Variants in CDK12 observed in about 807,000 individuals in gnomAD.
CDK12 encodes the protein cyclin-dependent kinase 12.
A neutral mutation model predicts 133.8 loss-of-function variants in CDK12; 17 were observed. That is an observed-to-expected ratio of 0.13 (90% CI 0.09 to 0.19). The LOEUF (loss-of-function observed/expected upper bound fraction) is 0.19, where lower values mean the gene tolerates loss of function less well. Ranked by LOEUF, CDK12 falls within the 10% of genes least tolerant of loss-of-function variation. The pLI is 1.00. For missense variants in CDK12, 1,508 were observed against 1,818.7 expected, an observed-to-expected ratio of 0.83 and a Z score of 3.11; for synonymous variants, 694 against 683.6, an observed-to-expected ratio of 1.02 and a Z score of -0.24.
In CDK12 at chr17:39,471,513, C is replaced by T. The variant is rs1567687025; in HGVS notation, c.1681C>T (p.Pro561Ser). Reference protein sequence around the residue: ...LPPLPPIPALPQQPPLPPSQP... With the variant: ...LPPLPPIPALSQQPPLPPSQP... ...ACCTTTGCCTCCAATACCAGCTCTT[C>T]CACAGCAACCACCTCTGCCTCCTTC... is the stretch of plus-strand genomic sequence containing the variant. Residue 561 changes from proline to serine, a missense_variant, in exon 2 of 14, where the codon CCA becomes TCA. Physicochemically the swap from Pro to Ser is moderately conservative, Grantham distance 74. Around this residue, in one of 9 missense-constraint regions of CDK12, gnomAD observed 347 missense variants for 330.8 expected, o/e 1.05. Transcript: ENST00000447079. 3 of 1,613,638 alleles carry T rather than the reference C, an allele frequency of 1.9e-6. No homozygotes were observed. The highest frequency in any genetic ancestry group is 2.5e-6 in the Non-Finnish European group (3 of 1,179,926).
chr17:39,529,567 A>G (rs1201812993), intron 13 of CDK12, among the ~76,000 whole-genome samples: 1 of 151,996 alleles, frequency 6.6e-6, no homozygotes, highest in African/African-American at 2.4e-5. Flanking sequence ...GCATTGTTCT[A>G]CCATACTTCT....
intron 11 of CDK12, 132 bp from the exon 12 acceptor site, chr17:39,524,542 T>C: frequency 1.4e-6 from 1 of 721,340 alleles, no homozygotes; most frequent in Non-Finnish European, 2.3e-6. Context: ...TACTAACTTT[T>C]TTGGTTATTT....
At chr17:39,535,672 T>C (rs1450462392), downstream of CDK12, among the ~76,000 whole-genome samples, 1 of 152,216 alleles carries the variant, frequency 6.6e-6, no homozygotes, top group Non-Finnish European at 1.5e-5. Context: ...CCAGAAACCA[T>C]GCTGTTCAGT....
At chr17:39,545,108 A>C (rs984394939), upstream of CDK12, among the ~76,000 whole-genome samples, 11 of 152,154 alleles carry the variant, frequency 7.2e-5, no homozygotes, top group Non-Finnish European at 1.5e-5. Flanking sequence ...CAGCTGTGCT[A>C]ATGGATGTTC....
At chr17:39,502,501 T>C (rs571178053) in intron 6 of CDK12, among the ~76,000 whole-genome samples, 1 of 152,172 alleles carries the variant, frequency 6.6e-6, no homozygotes, top group Non-Finnish European at 1.5e-5. Flanking sequence ...CATGGAAAGA[T>C]TATGACACAT....
chr17:39,532,887 A>G lies in CDK12; in HGVS notation c.*1571A>G. The G allele has an allele frequency of 4.3e-6, 1 of 232,982 alleles. No individual in the cohort carries two copies. The highest frequency in any genetic ancestry group is 8.5e-6 in the Non-Finnish European group (1 of 117,846). 14.4% of individuals were successfully genotyped at this position (232,982 alleles called of 1,614,324 possible). A position where few individuals can be genotyped will look rare whatever the true frequency, so the allele number is the denominator to read the frequency against. ...TATAGAGTGTTTTAAAAACAGATAC[A>G]TGTCATATAATTTATCTGCACAGAC... On this transcript the variant is annotated 3_prime_UTR_variant, in exon 14 of 14. Transcript: ENST00000447079.
chr17:39,534,405 T>C lies in CDK12; in HGVS notation c.*3089T>C. The C allele has an allele frequency of 4.3e-6, 1 of 232,896 alleles. No homozygotes were observed. Among genetic ancestry groups the C allele is most frequent in the Admixed American group, 5.6e-5 (1 of 17,808 alleles). 14.4% of individuals were successfully genotyped at this position (232,896 alleles called of 1,614,324 possible). On this transcript the variant is annotated 3_prime_UTR_variant, in exon 14 of 14. Transcript: ENST00000447079. ...CCCTGATTTAGGTTCCTGACACTGA[T>C]TCCTTTCTCTCTCGTTTTTGACCCC...
rs1441561619 is a variant in CDK12, at chr17:39,533,089, TTAAAG to T, written c.*1774_*1778del. ...GTGCATTACTTAAAAAAAAAAAACT[TTAAAG>T]AAATGAAAGAAGAACCCTCTTCAGA... On this transcript the variant is annotated 3_prime_UTR_variant, in exon 14 of 14. Transcript: ENST00000447079. The T allele has an allele frequency of 3.9e-5, 9 of 231,590 alleles. No individual in the cohort carries two copies. Among genetic ancestry groups the T allele is most frequent in the African/African-American group, 1.5e-4 (7 of 45,320 alleles). 14.3% of individuals were successfully genotyped at this position (231,590 alleles called of 1,614,324 possible). A position where few individuals can be genotyped will look rare whatever the true frequency, so the allele number is the denominator to read the frequency against.
At chr17:39,465,217 G>C (rs1297633516) in intron 1 of CDK12, among the ~76,000 whole-genome samples, 1 of 140,838 alleles carries the variant, frequency 7.1e-6, no homozygotes, top group Non-Finnish European at 1.5e-5. Flanking sequence ...TTGCACTCCA[G>C]CCTAGGTGAC....
chr17:39,478,559 G>A (rs1419175672), intron 2 of CDK12, among the ~76,000 whole-genome samples: 1 of 152,124 alleles, frequency 6.6e-6, no homozygotes, highest in Non-Finnish European at 1.5e-5. Flanking sequence ...AACGGAAATA[G>A]ACCAGGTGCT....
chr17:39,494,853 T>C (rs2051943686), intron 5 of CDK12, among the ~76,000 whole-genome samples, 159 bp downstream of exon 5: 1 of 150,302 alleles, frequency 6.7e-6, no homozygotes, highest in Non-Finnish European at 1.5e-5. Flanking sequence ...CACTGCAAGC[T>C]CCACCTCCTG....
chr17:39,497,268 G>C (rs1427780355), intron 5 of CDK12, among the ~76,000 whole-genome samples: 4 of 152,094 alleles, frequency 2.6e-5, no homozygotes, highest in Non-Finnish European at 4.4e-5. Context: ...TCTGGGCTAG[G>C]TGTGGTTGCT....
At chr17:39,488,884 A>G (rs1170524551) in intron 2 of CDK12, among the ~76,000 whole-genome samples, 4 of 151,868 alleles carry the variant, frequency 2.6e-5, no homozygotes, top group African/African-American at 4.8e-5. Flanking sequence ...GCCGGTTGCC[A>G]TCTGCCCCCA....
intron 8 of CDK12, among the ~76,000 whole-genome samples, chr17:39,514,827 G>C (rs2053701471): frequency 6.6e-6 from 1 of 152,028 alleles, no homozygotes; most frequent in African/African-American, 2.4e-5. Context: ...ACACAGCCAA[G>C]ATAATGATCA....
intron 1 of CDK12, 97 bp downstream of exon 1, chr17:39,463,214 T>C (rs2049070356): frequency 6.7e-6 from 7 of 1,042,880 alleles, no homozygotes; most frequent in African/African-American, 3.2e-5. Flanking sequence ...GCAGTGTTCA[T>C]CATTGACTAG....
Position 39,506,309 on chromosome 17 carries a change from G to A in CDK12, c.2610-3396G>A, listed in dbSNP as rs142133931. Among the ~76,000 whole-genome samples the A allele has an allele frequency of 4.2e-3, 597 of 143,660 alleles. 6 individuals are homozygous for A. The highest frequency in any genetic ancestry group is 5.9e-3 in the Admixed American group (81 of 13,766). The allele number at this position is 143,660 out of a possible 152,430, so 94.2% of individuals were successfully genotyped here. ...CGGCTCACTGCAACCTCTGCCTCCC[G>A]GTTCAAGCCCTTCTCCTGCCTCAGC... On this transcript the variant is annotated intron_variant, in intron 6 of 13. Transcript: ENST00000447079.
intron 5 of CDK12, among the ~76,000 whole-genome samples, chr17:39,496,131 C>T (rs148520857): frequency 3.2e-4 from 48 of 152,092 alleles, no homozygotes; most frequent in African/African-American, 1.1e-3. Flanking sequence ...AGGCTGGTTT[C>T]GAACTCCTGA....
chr17:39,479,135 C>T lies in CDK12; in HGVS notation c.1931+7372C>T, dbSNP rs541952387. Among the ~76,000 whole-genome samples, 298 of 151,874 alleles carry T rather than the reference C, an allele frequency of 2.0e-3. 1 individual carries two copies. The highest frequency in any genetic ancestry group is 6.9e-3 in the African/African-American group (287 of 41,436). On this transcript the variant is annotated intron_variant, in intron 2 of 13. Coordinates refer to ENST00000447079, the MANE Select transcript of CDK12 (RefSeq NM_016507.4). Reference sequence around the variant, plus strand: ...CATCCTGGCTAACACGATGAAACCCCGTCTCTACTAAAAATACAAAAAATT... The same window carrying T: ...CATCCTGGCTAACACGATGAAACCCTGTCTCTACTAAAAATACAAAAAATT...
At chr17:39,477,052 A>G in intron 2 of CDK12, among the ~76,000 whole-genome samples, 1 of 136,506 alleles carries the variant, frequency 7.3e-6, no homozygotes, top group Non-Finnish European at 1.6e-5. Flanking sequence ...AGACAGTCTC[A>G]CTCTGTTGCC....
Sources: gnomAD v4.1 joint callset for allele counts (sites outside exome capture counted in the v4.1 genomes callset) on GRCh38, gnomAD v4.1.1 for gene constraint, gnomAD v4.1.1 regional missense constraint, MANE v1.5 for transcripts, NCBI Gene and HGNC (gene_info 2026-07-23, HGNC 2026-07-21) for gene names.